PLCG2: variants seen among roughly 807,000 people sequenced by gnomAD.
PLCG2 encodes the protein 1-phosphatidylinositol 4,5-bisphosphate phosphodiesterase gamma-2.
A neutral mutation model predicts 175.6 loss-of-function variants in PLCG2; 69 were observed. The ratio of observed to expected loss-of-function variants is 0.39; its 90% CI spans 0.32 to 0.48. PLCG2 has a LOEUF of 0.48. Ranked by LOEUF, PLCG2 falls within the 20% of genes least tolerant of loss-of-function variation. The probability of loss-of-function intolerance (pLI) is 0.91; values close to 1 mark genes in which losing one functional copy is unlikely to be tolerated. For synonymous variants in PLCG2, 827 were observed against 624.0 expected, an observed-to-expected ratio of 1.33 and a Z score of -4.85; for missense variants, 1,798 against 1,650.9, an observed-to-expected ratio of 1.09 and a Z score of -1.54.
At position 81,934,538 on chromosome 16, in the gene PLCG2, T is replaced by C; in HGVS notation, c.2842+7T>C. ...AAAACCAAGGACAACTTAGGTAACA[T>C]CTTTCCCAAGAACATGCCCTATAAC... On this transcript the variant is annotated splice_region_variant and intron_variant, in intron 26 of 32. Transcript: ENST00000564138. The C allele has an allele frequency of 6.4e-7, 1 of 1,555,946 alleles. No homozygotes were observed.
intron 2 of PLCG2, among the ~76,000 whole-genome samples, chr16:81,832,930 C>T (rs533245729): frequency 1.3e-4 from 20 of 152,344 alleles, no homozygotes; most frequent in Non-Finnish European, 2.5e-4. Context: ...TCAGCCGATA[C>T]TTGAAGGCCT....
intron 2 of PLCG2, among the ~76,000 whole-genome samples, chr16:81,812,460 A>G (rs1241519761): frequency 2.6e-5 from 4 of 152,002 alleles, no homozygotes; most frequent in African/African-American, 7.2e-5. Context: ...CTTTTTTCCT[A>G]CGTTTCTTGG....
intron 7 of PLCG2, among the ~76,000 whole-genome samples, chr16:81,877,194 C>T (rs564123066): frequency 1.3e-5 from 2 of 152,330 alleles, no homozygotes; most frequent in Admixed American, 1.3e-4. Flanking sequence ...GTGGCTCACG[C>T]CTGTAATCCC....
intron 2 of PLCG2, among the ~76,000 whole-genome samples, chr16:81,834,261 A>G (rs1170457832): frequency 6.6e-6 from 1 of 152,052 alleles, no homozygotes; most frequent in African/African-American, 2.4e-5. Flanking sequence ...AGTAAGGGGG[A>G]CCTGGTTTGT....
Position 81,908,417 on chromosome 16 carries a change from A to G in PLCG2, c.1559A>G (p.Asp520Gly), listed in dbSNP as rs201391996. 1.4e-5 allele frequency: 23 copies of G among 1,613,570 alleles called. No homozygotes were observed. The highest frequency in any genetic ancestry group is 1.8e-5 in the Non-Finnish European group (21 of 1,179,796). ...EQTMEEEVPQ[D>G]IPPTELHFGE... ...ACCCCTCCTCTCTTTGCGGCCCAGGATATACCCCCTACAGAACTACATTTT... is the reference window on the plus strand; with the variant it reads ...ACCCCTCCTCTCTTTGCGGCCCAGGGTATACCCCCTACAGAACTACATTTT... The change falls in exon 17 of 33, where the codon GAT (aspartate) becomes GGT (glycine). Residue 520 changes from aspartate (D) to glycine (G), a missense_variant and splice_region_variant. Coordinates refer to ENST00000564138, the MANE Select transcript of PLCG2 (RefSeq NM_002661.5).
At chr16:81,874,962 T>TG (rs1567510348) in intron 7 of PLCG2, among the ~76,000 whole-genome samples, 8 of 134,448 alleles carry the variant, frequency 6.0e-5, no homozygotes, top group Admixed American at 2.2e-4. Context: ...TTTTTTTTTT[T>TG]TTTTTTTTTT....
chr16:81,906,912 C>T (rs1233216231), intron 15 of PLCG2, among the ~76,000 whole-genome samples: 1 of 151,990 alleles, frequency 6.6e-6, no homozygotes, highest in East Asian at 1.9e-4. Context: ...GTGGCACGTG[C>T]CTGTAGTCCC....
intron 2 of PLCG2, among the ~76,000 whole-genome samples, chr16:81,771,814 C>G (rs982536529): frequency 1.3e-5 from 2 of 152,092 alleles, no homozygotes; most frequent in Non-Finnish European, 2.9e-5. Context: ...GTTGGAGTCT[C>G]TCTCTCTTGC....
At chr16:81,938,989 G>C in intron 29 of PLCG2, 74 bp downstream of exon 29, 1 of 839,770 alleles carries the variant, frequency 1.2e-6, no homozygotes, top group Non-Finnish European at 2.0e-6. Flanking sequence ...GCTCTTCGTG[G>C]GGGATTTTGC....
intron 26 of PLCG2, 26 bp downstream of exon 26, chr16:81,934,557 C>G (rs751268136): frequency 7.6e-7 from 1 of 1,319,184 alleles, no homozygotes; most frequent in African/African-American, 1.4e-5. Context: ...AGAACATGCC[C>G]TATAACTCCA....
At chr16:81,754,861 A>G (rs1909889654) in intron 1 of PLCG2, among the ~76,000 whole-genome samples, 1 of 152,234 alleles carries the variant, frequency 6.6e-6, no homozygotes, top group Non-Finnish European at 1.5e-5. Context: ...AGTTATCATT[A>G]TTATCTTTTA....
chr16:81,866,571 C>G (rs1457300044), intron 5 of PLCG2, among the ~76,000 whole-genome samples: 1 of 96,866 alleles, frequency 1.0e-5, no homozygotes, highest in Non-Finnish European at 2.5e-5. Flanking sequence ...AGGACGTGGC[C>G]TCTCCCTTGC....
At chr16:81,770,225 A>G (rs1910247420) in intron 2 of PLCG2, among the ~76,000 whole-genome samples, 1 of 151,898 alleles carries the variant, frequency 6.6e-6, no homozygotes, top group African/African-American at 2.4e-5. Flanking sequence ...AGAAACCAGC[A>G]CCCCTCAGGA....
intron 31 of PLCG2, among the ~76,000 whole-genome samples, chr16:81,947,792 C>A (rs1335387214): frequency 1.3e-5 from 2 of 152,196 alleles, no homozygotes; most frequent in Non-Finnish European, 2.9e-5. Context: ...ATTTTTAGCA[C>A]CATTTTATTA....
chr16:81,895,286 C>T (rs777969578), intron 12 of PLCG2, among the ~76,000 whole-genome samples: 25 of 152,206 alleles, frequency 1.6e-4, no homozygotes, highest in Non-Finnish European at 2.8e-4. Flanking sequence ...TGAGGTTGGG[C>T]GTGGTGGCTC....
intron 24 of PLCG2, among the ~76,000 whole-genome samples, chr16:81,929,659 G>C (rs895250185): frequency 6.6e-6 from 1 of 152,202 alleles, no homozygotes; most frequent in African/African-American, 2.4e-5. Context: ...GCCTCCCAAA[G>C]TGCTGGGATT....
At chr16:81,845,568 T>G (rs972469837) in intron 2 of PLCG2, among the ~76,000 whole-genome samples, 34 of 152,216 alleles carry the variant, frequency 2.2e-4, no homozygotes, top group Admixed American at 1.7e-3. Flanking sequence ...ACACTGCTCC[T>G]CATGACTTGG....
rs552937859 is a variant in PLCG2, at chr16:81,885,830, G to C, written c.765+2489G>C. On this transcript the variant is annotated intron_variant, in intron 9 of 32. Coordinates refer to ENST00000564138, the MANE Select transcript of PLCG2 (RefSeq NM_002661.5). ...AGCTACCCTAGTAGGCTGATAAATG[G>C]TGAATGAGGATGTTGATGCGTGTTG... 6.9e-4 allele frequency among the ~76,000 whole-genome samples: 105 copies of C among 152,306 alleles called. 1 individual carries two copies. In the South Asian group the frequency reaches 0.016, roughly 23 times the overall value.
chr16:81,914,700 C>T (rs915045622), intron 19 of PLCG2, among the ~76,000 whole-genome samples: 1 of 152,190 alleles, frequency 6.6e-6, no homozygotes, highest in Admixed American at 6.5e-5. Flanking sequence ...AATGGTCTGG[C>T]AGGGATGAGA....
Sources: allele counts gnomAD v4.1 joint callset (sites outside exome capture counted in the v4.1 genomes callset), GRCh38; gene constraint gnomAD v4.1.1; transcripts MANE v1.5; gene names NCBI Gene and HGNC (gene_info 2026-07-23, HGNC 2026-07-21).